RERE: variants seen among roughly 807,000 people sequenced by gnomAD.
The protein encoded by RERE is arginine-glutamic acid dipeptide repeats protein.
RERE carries 40 observed loss-of-function variants against 146.1 expected under a neutral mutation model. That is an observed-to-expected ratio of 0.27 (90% CI 0.21 to 0.36). The LOEUF (loss-of-function observed/expected upper bound fraction) is 0.36, where lower values mean the gene tolerates loss of function less well. Ranked by LOEUF, RERE falls within the 10% of genes least tolerant of loss-of-function variation. RERE has a pLI of 1.00. For missense variants in RERE, 1,933 were observed against 2,138.7 expected (o/e 0.90, Z 1.90); for synonymous variants, 1,003 against 866.0 (o/e 1.16, Z -2.78).
chr1:8,392,584 T>A (rs751191867), intron 12 of RERE, among the ~76,000 whole-genome samples: 5 of 152,182 alleles, frequency 3.3e-5, no homozygotes, highest in Non-Finnish European at 7.4e-5. Flanking sequence ...ACAGCCAGTA[T>A]CTACCCCCAC....
chr1:8,500,840 G>A (rs1329083926), intron 8 of RERE, among the ~76,000 whole-genome samples: 1 of 146,898 alleles, frequency 6.8e-6, no homozygotes, highest in Non-Finnish European at 1.5e-5. Flanking sequence ...TGGGATGTGA[G>A]GAGCACCTCT....
In RERE at chr1:8,600,340, T is replaced by C. The variant is rs192570696; in HGVS notation, c.522+14221A>G. ...CTTCAAGTCCTACAGATTAAACACA[T>C]CTATCTATCAATTACCATTTGCCAG... On this transcript the variant is annotated intron_variant, in intron 4 of 22. Transcript: ENST00000400908. 3.3e-4 allele frequency among the ~76,000 whole-genome samples: 51 copies of C among 152,314 alleles called. 1 individual carries two copies. Among genetic ancestry groups the C allele is most frequent in the Admixed American group, 9.2e-4 (14 of 15,298 alleles).
At chr1:8,636,099 G>A (rs918303927) in intron 2 of RERE, among the ~76,000 whole-genome samples, 3 of 152,040 alleles carry the variant, frequency 2.0e-5, no homozygotes, top group African/African-American at 7.2e-5. Flanking sequence ...AGTGATTCTC[G>A]TGCCTCAGTC....
chr1:8,513,613 G>A (rs1645372010), intron 7 of RERE, among the ~76,000 whole-genome samples: 1 of 151,962 alleles, frequency 6.6e-6, no homozygotes, highest in East Asian at 1.9e-4. Context: ...ACCCTGTCTC[G>A]ACTAAAAATA....
chr1:8,747,035 G>A (rs1194392618), intron 1 of RERE, among the ~76,000 whole-genome samples: 5 of 151,536 alleles, frequency 3.3e-5, no homozygotes, highest in Admixed American at 2.0e-4. Flanking sequence ...TTTTTGAGAC[G>A]GAGTCTCGCT....
At chr1:8,500,321 T>G (rs1436760805) in intron 8 of RERE, among the ~76,000 whole-genome samples, 2 of 151,980 alleles carry the variant, frequency 1.3e-5, no homozygotes, top group African/African-American at 2.4e-5. Context: ...TTGAGAAAAA[T>G]GGACTAGAAA....
chr1:8,530,679 C>CTTTTTTTTTTTTTTT (rs1197212764), intron 7 of RERE, among the ~76,000 whole-genome samples: 1 of 96,948 alleles, frequency 1.0e-5, no homozygotes, highest in Admixed American at 1.2e-4. Context: ...TTTTCGTTTT[C>CTTTTTTTTTTTTTTT]TTTTTTTTTT....
At chr1:8,401,069 A>ATG (rs1553161878) in intron 12 of RERE, among the ~76,000 whole-genome samples, 1,331 of 85,084 alleles carry the variant, frequency 0.016, 51 homozygotes, top group African/African-American at 0.037. Flanking sequence ...ATATATATAT[A>ATG]TATGTCACTT....
chr1:8,370,429 C>T (rs72636922), intron 12 of RERE, among the ~76,000 whole-genome samples: 9 of 152,278 alleles, frequency 5.9e-5, no homozygotes, highest in East Asian at 1.9e-4. Context: ...CAAATGTATA[C>T]AGTGGTCAAA....
intron 2 of RERE, among the ~76,000 whole-genome samples, chr1:8,649,225 G>A (rs1306686345): frequency 6.6e-6 from 1 of 152,300 alleles, no homozygotes; most frequent in Middle Eastern, 3.4e-3. Flanking sequence ...ATGGCTGACA[G>A]ACAACAAAGA....
chr1:8,782,103 C>T lies in RERE; in HGVS notation c.-145+35057G>A, dbSNP rs145524076. Among the ~76,000 whole-genome samples the T allele has an allele frequency of 2.3e-3, 350 of 152,246 alleles. 2 individuals carry two copies. Among genetic ancestry groups the T allele is most frequent in the Non-Finnish European group, 2.6e-3 (176 of 68,016 alleles). On this transcript the variant is annotated intron_variant, in intron 1 of 22. Coordinates refer to ENST00000400908, the MANE Select transcript of RERE (RefSeq NM_001042681.2). ...CACTCTCTCAAATTCTCCTTTCATT[C>T]TCTCTTAAACCCACTCCAATAAGAA...
intron 12 of RERE, among the ~76,000 whole-genome samples, chr1:8,390,355 C>G (rs1334843266): frequency 6.6e-6 from 1 of 152,200 alleles, no homozygotes; most frequent in Non-Finnish European, 1.5e-5. Flanking sequence ...AAAAAACAAA[C>G]CTGGCATGCA....
At chr1:8,614,723 C>T (rs749931414) in intron 3 of RERE, 37 bp from the exon 4 acceptor site, 10 of 1,583,388 alleles carry the variant, frequency 6.3e-6, no homozygotes, top group East Asian at 4.6e-5. Flanking sequence ...ACGTGCCCAA[C>T]GCCCCATCAT....
chr1:8,378,081 CAAAGAAAGGA>C (rs1415190303), intron 12 of RERE, among the ~76,000 whole-genome samples: 1 of 152,100 alleles, frequency 6.6e-6, no homozygotes, highest in Admixed American at 6.5e-5. Context: ...TTGCTCAATA[CAAAGAAAGGA>C]AAAGAAAGGG....
At chr1:8,757,429 C>T (rs1640664730) in intron 1 of RERE, among the ~76,000 whole-genome samples, 1 of 152,176 alleles carries the variant, frequency 6.6e-6, no homozygotes, top group Non-Finnish European at 1.5e-5. Context: ...AAATCAAATT[C>T]TCTACTGCAT....
At chr1:8,583,899 A>T (rs1313347968) in intron 4 of RERE, among the ~76,000 whole-genome samples, 2 of 151,978 alleles carry the variant, frequency 1.3e-5, no homozygotes, top group Non-Finnish European at 2.9e-5. Flanking sequence ...CAAACCTCAT[A>T]TAATGTTACT....
chr1:8,541,290 C>G lies in RERE; in HGVS notation c.754G>C (p.Asp252His), dbSNP rs1344436712. Residue 252 changes from aspartate (D) to histidine (H), a missense_variant, in exon 7 of 23, where the codon GAC becomes CAC. Physicochemically the swap from Asp to His is moderately conservative, Grantham distance 81. Coordinates refer to ENST00000400908, the MANE Select transcript of RERE (RefSeq NM_001042681.2). ...RGKCNISHFS[D>H]IFAAREFKAR... Reference sequence around the variant, plus strand: ...TTAAACTCTCTAGCAGCAAATATGTCAGAAAAATGGGAGATGTTACACTTC... The same window carrying G: ...TTAAACTCTCTAGCAGCAAATATGTGAGAAAAATGGGAGATGTTACACTTC... 1.2e-6 allele frequency: 2 copies of G among 1,608,940 alleles called. No individual in the cohort carries two copies. Among genetic ancestry groups the G allele is most frequent in the Non-Finnish European group, 1.7e-6 (2 of 1,176,638 alleles).
chr1:8,713,164 T>C (rs1438908794), intron 1 of RERE, among the ~76,000 whole-genome samples: 1 of 152,230 alleles, frequency 6.6e-6, no homozygotes, highest in African/African-American at 2.4e-5. Flanking sequence ...TGTGGTAATT[T>C]ATAAAGGCTA....
chr1:8,467,124 C>T (rs143585299), intron 10 of RERE, among the ~76,000 whole-genome samples: 1 of 152,332 alleles, frequency 6.6e-6, no homozygotes, highest in African/African-American at 2.4e-5. Flanking sequence ...ATACTAGGTT[C>T]TGGGACACAG....
Sources: gnomAD v4.1 joint callset for allele counts (sites outside exome capture counted in the v4.1 genomes callset) on GRCh38, gnomAD v4.1.1 for gene constraint, MANE v1.5 for transcripts, NCBI Gene and HGNC (gene_info 2026-07-23, HGNC 2026-07-21) for gene names.